The following ZC3H12B variants were observed in gnomAD, a reference collection of about 807,000 sequenced individuals.
ZC3H12B encodes probable ribonuclease ZC3H12B.
Under a neutral mutation model 43.9 loss-of-function variants are expected in ZC3H12B, and 7 were observed. The ratio of observed to expected loss-of-function variants is 0.16; its 90% CI spans 0.09 to 0.30. The LOEUF (loss-of-function observed/expected upper bound fraction) is 0.30. Ranked by LOEUF, ZC3H12B falls within the 10% of genes least tolerant of loss-of-function variation. The probability of loss-of-function intolerance (pLI) is 1.00; values close to 1 mark genes in which losing one functional copy is unlikely to be tolerated. For synonymous variants in ZC3H12B, 222 were observed against 241.7 expected (o/e 0.92, Z 0.76); for missense variants, 475 against 670.2 (o/e 0.71, Z 3.22).
the ZC3H12B span, among the ~76,000 whole-genome samples, chrX:65,171,114 G>T: frequency 3.0e-4 from 33 of 111,358 alleles, no homozygotes; most frequent in African/African-American, 1.0e-3. Flanking sequence ...AGGAGAAGAG[G>T]CACTCTGATT....
the ZC3H12B span, among the ~76,000 whole-genome samples, chrX:65,310,469 G>A: frequency 9.0e-6 from 1 of 111,627 alleles, no homozygotes; most frequent in Non-Finnish European, 1.9e-5. Flanking sequence ...TCTTCAAGGA[G>A]AACTACAAAC....
the ZC3H12B span, among the ~76,000 whole-genome samples, chrX:65,224,413 A>G: frequency 8.9e-6 from 1 of 112,540 alleles, no homozygotes; most frequent in Non-Finnish European, 1.9e-5. Flanking sequence ...CCGAATAGGA[A>G]CAGGTCTGGT....
intron 3 of ZC3H12B, among the ~76,000 whole-genome samples, chrX:65,479,887 G>T (rs374966696): frequency 8.9e-6 from 1 of 112,412 alleles, no homozygotes; most frequent in East Asian, 2.8e-4. Flanking sequence ...GAATTTTAGC[G>T]AGTTTAAATA....
the ZC3H12B span, among the ~76,000 whole-genome samples, chrX:65,088,003 G>A: frequency 8.9e-6 from 1 of 111,752 alleles, no homozygotes; most frequent in Non-Finnish European, 1.9e-5. Flanking sequence ...TTTGCACTTA[G>A]TAATGATGTA....
chrX:65,145,331 C>T, the ZC3H12B span, among the ~76,000 whole-genome samples: 33 of 108,866 alleles, frequency 3.0e-4, no homozygotes, highest in East Asian at 2.6e-3. Flanking sequence ...TGTCTTTTTC[C>T]ACCCCTTTAC....
At chrX:65,240,296 TTGTC>T in the ZC3H12B span, among the ~76,000 whole-genome samples, 1 of 111,887 alleles carries the variant, frequency 8.9e-6, no homozygotes. Context: ...CCTTTTTGTT[TTGTC>T]TGTCCGATTT....
At chrX:65,211,990 A>G in the ZC3H12B span, among the ~76,000 whole-genome samples, 7 of 68,393 alleles carry the variant, frequency 1.0e-4, no homozygotes, top group African/African-American at 4.3e-4. Context: ...ATAATATATA[A>G]TATATGTTAT....
the ZC3H12B span, among the ~76,000 whole-genome samples, chrX:65,246,070 G>A: frequency 9.0e-6 from 1 of 111,335 alleles, no homozygotes. Context: ...AAAATCTCAG[G>A]ATACCAAATC....
At chrX:65,384,100 C>T (rs2066485700) in intron 2 of ZC3H12B, among the ~76,000 whole-genome samples, 1 of 102,430 alleles carries the variant, frequency 9.8e-6, no homozygotes. Context: ...TTCACAATAG[C>T]AAAGACTTGG....
chrX:65,301,771 G>A, the ZC3H12B span, among the ~76,000 whole-genome samples: 1 of 111,056 alleles, frequency 9.0e-6, no homozygotes. Flanking sequence ...CTCTGGTGAT[G>A]GGTGCACCAA....
At chrX:65,099,412 G>A in the ZC3H12B span, among the ~76,000 whole-genome samples, 3 of 111,579 alleles carry the variant, frequency 2.7e-5, no homozygotes, top group Non-Finnish European at 5.6e-5. Context: ...GTGGGTCCCT[G>A]ACCACCGTAC....
At chrX:65,235,048 A>AT in the ZC3H12B span, among the ~76,000 whole-genome samples, 2 of 111,466 alleles carry the variant, frequency 1.8e-5, no homozygotes, top group South Asian at 3.7e-4. Flanking sequence ...GCTACATAGT[A>AT]TTTTTTTGAT....
chrX:65,351,556 G>A, the ZC3H12B span, among the ~76,000 whole-genome samples: 1 of 112,269 alleles, frequency 8.9e-6, no homozygotes, highest in South Asian at 3.7e-4. Flanking sequence ...GAAAAAATTT[G>A]CAATCTATCC....
the ZC3H12B span, among the ~76,000 whole-genome samples, chrX:65,062,013 TG>T: frequency 1.8e-5 from 2 of 112,490 alleles, no homozygotes; most frequent in Non-Finnish European, 3.8e-5. Context: ...TTGATGGGGT[TG>T]TTTTTTTCTT....
the ZC3H12B span, among the ~76,000 whole-genome samples, chrX:65,239,947 G>A: frequency 9.0e-6 from 1 of 111,465 alleles, no homozygotes; most frequent in Non-Finnish European, 1.9e-5. Context: ...GAGCTCTGCT[G>A]TTATTCTGAT....
chrX:65,131,046 T>C, the ZC3H12B span, among the ~76,000 whole-genome samples: 2 of 112,109 alleles, frequency 1.8e-5, no homozygotes, highest in African/African-American at 6.5e-5. Flanking sequence ...TCAGCCCATA[T>C]AACAGCACAG....
the ZC3H12B span, among the ~76,000 whole-genome samples, chrX:65,049,445 T>C: frequency 9.0e-6 from 1 of 111,708 alleles, no homozygotes; most frequent in Non-Finnish European, 1.9e-5. Context: ...TCCTATTATG[T>C]AGTCTTGGCA....
At chrX:65,065,791 A>G in the ZC3H12B span, among the ~76,000 whole-genome samples, 1 of 108,199 alleles carries the variant, frequency 9.2e-6, no homozygotes, top group African/African-American at 3.4e-5. Flanking sequence ...TCAATCATAG[A>G]TTTGGTCTTT....
chrX:65,502,189 C>T, exon 5 of ZC3H12B: 3 of 1,211,553 alleles, frequency 2.5e-6, no homozygotes, highest in Non-Finnish European at 3.4e-6. Flanking sequence ...TGCCAGGATC[C>T]TCCCATTTCC....
Sources: gnomAD v4.1 joint callset for allele counts (sites outside exome capture counted in the v4.1 genomes callset) on GRCh38, gnomAD v4.1.1 for gene constraint, MANE v1.5 for transcripts, NCBI Gene and HGNC (gene_info 2026-07-23, HGNC 2026-07-21) for gene names.